The following CDH4 variants were observed in gnomAD, a reference collection of about 807,000 sequenced individuals.
The protein encoded by CDH4 is cadherin 4.
In CDH4, 33 loss-of-function variants were observed where a neutral mutation model predicts 86.0. The observed-to-expected ratio is 0.38, with a 90% confidence interval of 0.29 to 0.51. The LOEUF (loss-of-function observed/expected upper bound fraction) is 0.51, where lower values mean the gene tolerates loss of function less well. CDH4 is among the 20% of genes least tolerant of loss of function. The probability of loss-of-function intolerance (pLI) is 0.86; values close to 1 mark genes in which losing one functional copy is unlikely to be tolerated. For synonymous variants in CDH4, 555 were observed against 549.4 expected (o/e 1.01, Z -0.14); for missense variants, 1,114 against 1,307.4 (o/e 0.85, Z 2.28).
At chr20:61,382,186 C>CTT (rs1406391347) in intron 2 of CDH4, among the ~76,000 whole-genome samples, 1 of 152,130 alleles carries the variant, frequency 6.6e-6, no homozygotes, top group African/African-American at 2.4e-5. Flanking sequence ...TAACTAGAGG[C>CTT]TTAAACGTAA....
intron 2 of CDH4, among the ~76,000 whole-genome samples, chr20:61,364,038 C>T (rs1285617474): frequency 6.6e-6 from 1 of 152,170 alleles, no homozygotes; most frequent in Non-Finnish European, 1.5e-5. Context: ...TTGTGGCCAG[C>T]ATTTCCATGT....
chr20:61,368,543 G>A (rs1428657251), intron 2 of CDH4, among the ~76,000 whole-genome samples: 1 of 151,498 alleles, frequency 6.6e-6, no homozygotes, highest in Non-Finnish European at 1.5e-5. Context: ...CCAAGGAATG[G>A]TAATTTTTTT....
chr20:61,813,202 C>A (rs1980527560), intron 4 of CDH4, among the ~76,000 whole-genome samples: 1 of 152,206 alleles, frequency 6.6e-6, no homozygotes, highest in Non-Finnish European at 1.5e-5. Context: ...GTGGGGTGAC[C>A]AGTTCAAATG....
intron 2 of CDH4, chr20:61,499,579 C>G: frequency 1.7e-6 from 2 of 1,201,700 alleles, no homozygotes; most frequent in South Asian, 2.6e-5. Context: ...GACAGTGTCC[C>G]TGAGGTCACA....
At chr20:61,439,261 C>T (rs546328115) in intron 2 of CDH4, among the ~76,000 whole-genome samples, 8 of 151,954 alleles carry the variant, frequency 5.3e-5, no homozygotes, top group East Asian at 1.9e-4. Context: ...GTGTGCGTTT[C>T]GGTTGTACTG....
chr20:61,371,737 C>T (rs919830595), intron 2 of CDH4, among the ~76,000 whole-genome samples: 1 of 152,250 alleles, frequency 6.6e-6, no homozygotes, highest in Non-Finnish European at 1.5e-5. Flanking sequence ...TCATCACGCA[C>T]AGAGCAGCCC....
At chr20:61,820,315 C>T (rs1454368192) in intron 4 of CDH4, among the ~76,000 whole-genome samples, 1 of 152,336 alleles carries the variant, frequency 6.6e-6, no homozygotes, top group African/African-American at 2.4e-5. Context: ...TAAGAATGCC[C>T]TGTGTCCGTG....
At chr20:61,593,429 G>A (rs1429653396) in intron 2 of CDH4, among the ~76,000 whole-genome samples, 1 of 152,222 alleles carries the variant, frequency 6.6e-6, no homozygotes, top group East Asian at 1.9e-4. Flanking sequence ...CTACCAGCCT[G>A]CTTTCCAGCA....
chr20:61,739,728 G>T (rs1229896982), intron 2 of CDH4, among the ~76,000 whole-genome samples: 2 of 152,220 alleles, frequency 1.3e-5, no homozygotes, highest in African/African-American at 4.8e-5. Context: ...AAACTGGAAG[G>T]ACTGCCCACT....
chr20:61,861,645 G>A (rs1216350782), intron 6 of CDH4, among the ~76,000 whole-genome samples: 1 of 150,820 alleles, frequency 6.6e-6, no homozygotes, highest in African/African-American at 2.4e-5. Context: ...AGGCTGGGGT[G>A]AGAGCTCAAG....
intron 2 of CDH4, among the ~76,000 whole-genome samples, chr20:61,548,012 G>GT (rs1226806507): frequency 3.3e-5 from 5 of 152,192 alleles, no homozygotes; most frequent in African/African-American, 1.2e-4. Context: ...TTTGCTTCCT[G>GT]TGATTCCTCC....
At chr20:61,337,327 GATGATAAT>G (rs2084624300) in intron 2 of CDH4, among the ~76,000 whole-genome samples, 1 of 110 alleles carries the variant, frequency 9.1e-3, no homozygotes, top group African/African-American at 0.036. Flanking sequence ...TAATGATGGT[GATGATAAT>G]GATGGTGATG....
At chr20:61,894,425 G>A (rs1025124732) in intron 7 of CDH4, among the ~76,000 whole-genome samples, 4 of 152,178 alleles carry the variant, frequency 2.6e-5, no homozygotes, top group Non-Finnish European at 4.4e-5. Flanking sequence ...GAAGGGAAAG[G>A]GTTTGTCTTT....
chr20:61,860,981 G>A (rs1219330041), intron 6 of CDH4, among the ~76,000 whole-genome samples: 2 of 152,194 alleles, frequency 1.3e-5, no homozygotes, highest in Non-Finnish European at 2.9e-5. Flanking sequence ...GTGCCTTTGG[G>A]TCTAAAAAGG....
chr20:61,834,741 C>T (rs1981788300), intron 4 of CDH4, among the ~76,000 whole-genome samples: 1 of 152,202 alleles, frequency 6.6e-6, no homozygotes, highest in Admixed American at 6.5e-5. Flanking sequence ...CGGGCTGAAA[C>T]AACAAAGAAC....
At chr20:61,686,570 C>A (rs375779153) in intron 2 of CDH4, among the ~76,000 whole-genome samples, 1 of 146,252 alleles carries the variant, frequency 6.8e-6, no homozygotes, top group Non-Finnish European at 1.5e-5. Flanking sequence ...CATGTGCATT[C>A]GCGTGTGTGC....
rs369087878 is a variant in CDH4, at chr20:61,939,594, A to G, written c.*2651A>G. ...CCACCTCTGAACTTGAGTTAGCGTT[A>G]GCTAAGCATACAATCAGTGTCGAAC... is the stretch of plus-strand genomic sequence containing the variant. On this transcript the variant is annotated 3_prime_UTR_variant, in exon 16 of 16. Transcript: ENST00000614565. 4 of 152,458 alleles carry G rather than the reference A, an allele frequency of 2.6e-5. No homozygotes were observed. Among genetic ancestry groups the G allele is most frequent in the African/African-American group, 7.2e-5 (3 of 41,602 alleles). 9.4% of individuals were successfully genotyped at this position (152,458 alleles called of 1,614,324 possible).
chr20:61,580,704 C>T (rs567452013), intron 2 of CDH4, among the ~76,000 whole-genome samples: 2 of 152,274 alleles, frequency 1.3e-5, no homozygotes, highest in East Asian at 1.9e-4. Flanking sequence ...TTATGGAAGG[C>T]TCTGGCGTCT....
intron 2 of CDH4, among the ~76,000 whole-genome samples, chr20:61,667,418 G>A (rs184891853): frequency 7.2e-5 from 11 of 152,352 alleles, no homozygotes; most frequent in South Asian, 4.1e-4. Flanking sequence ...ACAGAGAAGC[G>A]GGGTTGCATG....
Sources: allele counts gnomAD v4.1 joint callset (sites outside exome capture counted in the v4.1 genomes callset), GRCh38; gene constraint gnomAD v4.1.1; transcripts MANE v1.5; gene names NCBI Gene and HGNC (gene_info 2026-07-23, HGNC 2026-07-21).